Variants in KCNIP4 observed in about 807,000 individuals in gnomAD.
The protein encoded by KCNIP4 is Kv channel-interacting protein 4.
A neutral mutation model predicts 34.0 loss-of-function variants in KCNIP4; 12 were observed. That is an observed-to-expected ratio of 0.35 (90% CI 0.23 to 0.57). The LOEUF (loss-of-function observed/expected upper bound fraction) is 0.57. Among genes scored for constraint, KCNIP4 ranks in the 20% least tolerant of loss-of-function variants. The pLI is 0.83. For synonymous variants in KCNIP4, 124 were observed against 102.2 expected (o/e 1.21, Z -1.29); for missense variants, 238 against 311.7 (o/e 0.76, Z 1.78).
chr4:21,360,615 T>C (rs1719117711), intron 1 of KCNIP4, among the ~76,000 whole-genome samples: 1 of 152,214 alleles, frequency 6.6e-6, no homozygotes. Context: ...AAACTAACAA[T>C]GAACCTTCTT....
At chr4:21,475,899 C>T (rs1466996095) in intron 1 of KCNIP4, among the ~76,000 whole-genome samples, 4 of 152,142 alleles carry the variant, frequency 2.6e-5, no homozygotes, top group Non-Finnish European at 4.4e-5. Flanking sequence ...CTTTAAAATG[C>T]ATAAACCATT....
chr4:21,860,805 G>C (rs7664617), intron 1 of KCNIP4, among the ~76,000 whole-genome samples: 54,442 of 152,024 alleles, frequency 0.36, 11,424 homozygotes, highest in Non-Finnish European at 0.49. Flanking sequence ...CATAACTATG[G>C]CTCCAATAAT....
chr4:20,732,852 G>T, intron 6 of KCNIP4, 67 bp from the exon 7 acceptor site: 1 of 964,066 alleles, frequency 1.0e-6, no homozygotes, highest in South Asian at 1.5e-5. Context: ...AAGAAGCTCT[G>T]ACAGATTTTT....
intron 1 of KCNIP4, among the ~76,000 whole-genome samples, chr4:20,888,187 A>T (rs539095855): frequency 8.5e-5 from 13 of 152,222 alleles, no homozygotes; most frequent in Admixed American, 2.6e-4. Context: ...ATAGAGGGAC[A>T]AAAAGTAGAA....
At chr4:21,451,848 GC>G (rs1728532393) in intron 1 of KCNIP4, among the ~76,000 whole-genome samples, 3 of 152,150 alleles carry the variant, frequency 2.0e-5, no homozygotes, top group Non-Finnish European at 2.9e-5. Context: ...CCATTTTCAA[GC>G]CCAAAGTCAA....
chr4:21,745,582 T>C (rs943330375), intron 1 of KCNIP4, among the ~76,000 whole-genome samples: 1 of 152,034 alleles, frequency 6.6e-6, no homozygotes, highest in African/African-American at 2.4e-5. Context: ...ACTTGGAAAA[T>C]AGTTATATTA....
chr4:21,519,297 TAGTC>T (rs1326526608), intron 1 of KCNIP4, among the ~76,000 whole-genome samples: 2 of 150,980 alleles, frequency 1.3e-5, no homozygotes, highest in Admixed American at 6.6e-5. Flanking sequence ...AGCCCTGTAT[TAGTC>T]AGGGTTCTCT....
At chr4:21,115,178 C>A (rs753556008) in intron 1 of KCNIP4, among the ~76,000 whole-genome samples, 1 of 152,076 alleles carries the variant, frequency 6.6e-6, no homozygotes. Context: ...CCACTGTTAC[C>A]CCATGTGCAT....
intron 1 of KCNIP4, among the ~76,000 whole-genome samples, chr4:21,441,102 A>G (rs1032050466): frequency 6.6e-6 from 1 of 150,444 alleles, no homozygotes; most frequent in Non-Finnish European, 1.5e-5. Context: ...TCACTGCTTC[A>G]GGGTCTTCTA....
intron 1 of KCNIP4, among the ~76,000 whole-genome samples, chr4:21,821,158 C>T (rs12500976): frequency 0.36 from 55,013 of 151,866 alleles, 11,388 homozygotes; most frequent in East Asian, 0.65. Flanking sequence ...TATATATAGA[C>T]GCCACTGTTA....
intron 1 of KCNIP4, among the ~76,000 whole-genome samples, chr4:21,059,671 A>T (rs776568107): frequency 1.4e-4 from 22 of 152,152 alleles, no homozygotes; most frequent in Non-Finnish European, 2.8e-4. Context: ...ATTATTCATC[A>T]TGATATTAGT....
At chr4:21,934,291 A>C (rs978812632) in intron 1 of KCNIP4, among the ~76,000 whole-genome samples, 1 of 152,026 alleles carries the variant, frequency 6.6e-6, no homozygotes, top group African/African-American at 2.4e-5. Flanking sequence ...GTTTGTCCAC[A>C]GTGGTCATTT....
chr4:20,776,637 A>T (rs1373756838), intron 3 of KCNIP4, among the ~76,000 whole-genome samples: 1 of 152,166 alleles, frequency 6.6e-6, no homozygotes, highest in Non-Finnish European at 1.5e-5. Context: ...TTTAAGAATG[A>T]TTTCCCTAAT....
intron 1 of KCNIP4, among the ~76,000 whole-genome samples, chr4:21,224,578 G>GTTT (rs765906146): frequency 0.035 from 1,557 of 44,892 alleles, 512 homozygotes; most frequent in African/African-American, 0.11. Context: ...TTTTTCAACT[G>GTTT]TTTTTTTTTT....
At chr4:21,178,081 C>G (rs1253702220) in intron 1 of KCNIP4, among the ~76,000 whole-genome samples, 2 of 152,030 alleles carry the variant, frequency 1.3e-5, no homozygotes, top group African/African-American at 4.8e-5. Flanking sequence ...ACTTCAGCTA[C>G]AAATCCCTGC....
At chr4:21,297,369 G>A (rs1351055271) in intron 1 of KCNIP4, among the ~76,000 whole-genome samples, 1 of 152,030 alleles carries the variant, frequency 6.6e-6, no homozygotes, top group Non-Finnish European at 1.5e-5. Flanking sequence ...CAGCCTGATA[G>A]TTCTTTGTAA....
intron 1 of KCNIP4, among the ~76,000 whole-genome samples, chr4:21,119,985 G>C (rs1214116448): frequency 2.6e-5 from 4 of 152,174 alleles, no homozygotes; most frequent in Non-Finnish European, 4.4e-5. Context: ...GTTGAGCAGG[G>C]TGTGAGACTC....
chr4:21,600,000 G>A (rs893015899), intron 1 of KCNIP4, among the ~76,000 whole-genome samples: 3 of 151,966 alleles, frequency 2.0e-5, no homozygotes, highest in Non-Finnish European at 2.9e-5. Context: ...AATCCTCAGC[G>A]ATTCTGCTGC....
intron 1 of KCNIP4, among the ~76,000 whole-genome samples, chr4:21,641,334 G>A (rs1374786178): frequency 4.6e-5 from 7 of 152,180 alleles, no homozygotes; most frequent in Non-Finnish European, 1.0e-4. Context: ...TAATATACAG[G>A]CACATACAAT....
Sources: gnomAD v4.1 joint callset for allele counts (sites outside exome capture counted in the v4.1 genomes callset) on GRCh38, gnomAD v4.1.1 for gene constraint, MANE v1.5 for transcripts, NCBI Gene and HGNC (gene_info 2026-07-23, HGNC 2026-07-21) for gene names.